The following CCDC178 variants were observed in gnomAD, a reference collection of about 807,000 sequenced individuals.
CCDC178 encodes coiled-coil domain-containing protein 178.
In CCDC178, 126 loss-of-function variants were observed where a neutral mutation model predicts 117.4. That is an observed-to-expected ratio of 1.07 (90% CI 0.93 to 1.24). The LOEUF is 1.24. Ranked by LOEUF, CCDC178 falls within the 50% of genes most tolerant of loss-of-function variation. CCDC178 has a pLI of 0.00. For synonymous variants in CCDC178, 283 were observed against 313.4 expected (o/e 0.90, Z 1.02); for missense variants, 1,030 against 986.9 (o/e 1.04, Z -0.59).
rs149315455 is a variant in CCDC178 at position 33,413,649 on chromosome 18, A to C, written c.-22-1539T>G. ...GAATACCTAGTTCCAGATCTAATAG[A>C]AGTCAAAAATCCAGAGAAGTGAGAC... On this transcript the variant is annotated intron_variant, in intron 2 of 22. Transcript: ENST00000383096. Among the ~76,000 whole-genome samples the C allele has an allele frequency of 1.1e-3, 168 of 151,658 alleles. 3 individuals carry two copies. The highest frequency in any genetic ancestry group is 4.9e-4 in the Non-Finnish European group (33 of 67,824).
At chr18:32,989,770 C>A (rs4799679) in intron 21 of CCDC178, among the ~76,000 whole-genome samples, 27 of 151,780 alleles carry the variant, frequency 1.8e-4, no homozygotes, top group Non-Finnish European at 3.4e-4. Context: ...TGTAGTTATA[C>A]AACATTATAT....
At chr18:33,140,943 C>T (rs559896344) in intron 20 of CCDC178, among the ~76,000 whole-genome samples, 2 of 152,232 alleles carry the variant, frequency 1.3e-5, no homozygotes, top group South Asian at 2.1e-4. Context: ...GGGGGTGAGT[C>T]TTTCCTGTGC....
intron 11 of CCDC178, among the ~76,000 whole-genome samples, chr18:33,310,125 C>A (rs977094668): frequency 3.3e-5 from 5 of 151,980 alleles, no homozygotes; most frequent in African/African-American, 1.2e-4. Flanking sequence ...CCATGCCTGG[C>A]TAATTTTTGT....
At chr18:33,116,248 C>A (rs2057854476) in intron 20 of CCDC178, among the ~76,000 whole-genome samples, 1 of 152,092 alleles carries the variant, frequency 6.6e-6, no homozygotes, top group Admixed American at 6.5e-5. Context: ...GTGGCCAAAT[C>A]TACTCCCACT....
chr18:32,991,354 A>T (rs1038277740), intron 21 of CCDC178, among the ~76,000 whole-genome samples: 1 of 152,180 alleles, frequency 6.6e-6, no homozygotes, highest in African/African-American at 2.4e-5. Context: ...GGGCCAGGAT[A>T]ACTATGCCTA....
chr18:33,010,176 T>C (rs2055834807), intron 21 of CCDC178, among the ~76,000 whole-genome samples: 1 of 152,164 alleles, frequency 6.6e-6, no homozygotes, highest in Admixed American at 6.5e-5. Flanking sequence ...TGTAGTTTTA[T>C]TATATGTTTG....
At chr18:33,181,999 T>C (rs1239355541) in intron 20 of CCDC178, among the ~76,000 whole-genome samples, 1 of 151,820 alleles carries the variant, frequency 6.6e-6, no homozygotes, top group Non-Finnish European at 1.5e-5. Flanking sequence ...ATCCCCAAAA[T>C]GTGAAGCTTA....
chr18:33,164,138 G>A (rs923087427), intron 20 of CCDC178, among the ~76,000 whole-genome samples: 17 of 124,028 alleles, frequency 1.4e-4, no homozygotes, highest in African/African-American at 4.7e-4. Flanking sequence ...ACAGAGTTTC[G>A]CTCTTGTTGC....
intron 2 of CCDC178, chr18:33,437,692 G>T: frequency 6.6e-6 from 1 of 152,198 alleles, no homozygotes; most frequent in East Asian, 1.9e-4. Flanking sequence ...GTTAGATGTA[G>T]AATTCAGTTC....
intron 14 of CCDC178, among the ~76,000 whole-genome samples, chr18:33,258,882 T>G (rs2059710408): frequency 6.6e-6 from 1 of 152,144 alleles, no homozygotes; most frequent in Admixed American, 6.5e-5. Flanking sequence ...AAATTATTAA[T>G]CTCTATATTA....
intron 11 of CCDC178, among the ~76,000 whole-genome samples, chr18:33,320,342 C>T (rs1181566989): frequency 1.3e-5 from 2 of 152,128 alleles, no homozygotes; most frequent in African/African-American, 2.4e-5. Flanking sequence ...ATTTAGAAAA[C>T]CCCATCGTTT....
At chr18:33,362,620 T>G (rs922060867) in intron 6 of CCDC178, among the ~76,000 whole-genome samples, 1 of 151,944 alleles carries the variant, frequency 6.6e-6, no homozygotes, top group African/African-American at 2.4e-5. Flanking sequence ...TTAGCCGGCT[T>G]CACTATAGTA....
chr18:33,291,044 C>T (rs9947930), intron 12 of CCDC178, among the ~76,000 whole-genome samples: 54 of 152,024 alleles, frequency 3.6e-4, no homozygotes, highest in African/African-American at 1.2e-3. Context: ...GAAGGCAGAG[C>T]GAGAAAAACA....
intron 20 of CCDC178, among the ~76,000 whole-genome samples, chr18:33,146,045 G>T (rs960274063): frequency 3.9e-5 from 6 of 152,194 alleles, no homozygotes; most frequent in Non-Finnish European, 7.3e-5. Flanking sequence ...TATGGCATTT[G>T]ATGAGTGGTC....
At chr18:33,113,128 C>T (rs2057806420) in intron 20 of CCDC178, among the ~76,000 whole-genome samples, 1 of 151,872 alleles carries the variant, frequency 6.6e-6, no homozygotes, top group Admixed American at 6.6e-5. Flanking sequence ...AAAACACATG[C>T]TCAATTAAGA....
intron 11 of CCDC178, among the ~76,000 whole-genome samples, chr18:33,316,958 A>G (rs912243280): frequency 3.9e-5 from 6 of 152,148 alleles, no homozygotes; most frequent in Non-Finnish European, 8.8e-5. Flanking sequence ...TAAACGCACC[A>G]ATCAGCACCC....
At chr18:32,970,145 A>C (rs1448702737) in intron 22 of CCDC178, among the ~76,000 whole-genome samples, 1 of 151,928 alleles carries the variant, frequency 6.6e-6, no homozygotes, top group Non-Finnish European at 1.5e-5. Flanking sequence ...AGGGCTTCAA[A>C]GTCAGATACA....
chr18:33,392,025 G>A (rs1379461359), intron 4 of CCDC178, among the ~76,000 whole-genome samples: 3 of 151,926 alleles, frequency 2.0e-5, no homozygotes, highest in African/African-American at 7.3e-5. Flanking sequence ...CACCATGCCT[G>A]GCTAATTTTT....
intron 20 of CCDC178, among the ~76,000 whole-genome samples, chr18:33,197,302 T>C (rs1441811674): frequency 1.3e-5 from 2 of 152,136 alleles, no homozygotes; most frequent in South Asian, 2.1e-4. Context: ...GTGATGAGAT[T>C]GCAGGTGCGA....
Sources: gnomAD v4.1 joint callset for allele counts (sites outside exome capture counted in the v4.1 genomes callset) on GRCh38, gnomAD v4.1.1 for gene constraint, MANE v1.5 for transcripts, NCBI Gene and HGNC (gene_info 2026-07-23, HGNC 2026-07-21) for gene names.